Variants in SOX6 observed in about 807,000 individuals in gnomAD.
The protein encoded by SOX6 is transcription factor SOX-6.
In SOX6, 11 loss-of-function variants were observed where a neutral mutation model predicts 97.8. The observed-to-expected ratio is 0.11, with a 90% CI of 0.07 to 0.19. The LOEUF is 0.19. SOX6 is among the 10% of genes least tolerant of loss of function. The pLI, the probability that SOX6 is intolerant of heterozygous loss-of-function variation, is 1.00. For missense variants in SOX6, 810 were observed against 1,039.5 expected, an observed-to-expected ratio of 0.78 and a Z score of 3.04; for synonymous variants, 360 against 371.4, an observed-to-expected ratio of 0.97 and a Z score of 0.35.
At chr11:16,503,407 C>A (rs1450581064) in intron 4 of SOX6, among the ~76,000 whole-genome samples, 2 of 152,080 alleles carry the variant, frequency 1.3e-5, no homozygotes, top group African/African-American at 2.4e-5. Context: ...AAACAGAAAT[C>A]AATTCATAAA....
At chr11:16,236,768 G>A (rs1207866359) in intron 3 of SOX6, among the ~76,000 whole-genome samples, 1 of 151,838 alleles carries the variant, frequency 6.6e-6, no homozygotes, top group East Asian at 1.9e-4. Context: ...ATCTTTTAGA[G>A]CTCCAAGAAA....
intron 4 of SOX6, among the ~76,000 whole-genome samples, chr11:16,487,418 G>A (rs542563089): frequency 2.6e-5 from 4 of 152,246 alleles, no homozygotes; most frequent in African/African-American, 7.2e-5. Flanking sequence ...CTCCAGGAAT[G>A]ACCATTTGGA....
At chr11:16,185,458 A>G (rs374628257) in intron 5 of SOX6, among the ~76,000 whole-genome samples, 1 of 152,176 alleles carries the variant, frequency 6.6e-6, no homozygotes, top group African/African-American at 2.4e-5. Flanking sequence ...AATGCATCCA[A>G]AACACCACAG....
At chr11:16,250,600 T>C (rs4628642) in intron 3 of SOX6, among the ~76,000 whole-genome samples, 118,198 of 151,996 alleles carry the variant, frequency 0.78, 46,115 homozygotes, top group Non-Finnish European at 0.8. Context: ...ATAATTAATA[T>C]TCTAAGTCAA....
At chr11:16,414,156 C>G (rs1458749272) in intron 1 of SOX6, among the ~76,000 whole-genome samples, 1 of 152,162 alleles carries the variant, frequency 6.6e-6, no homozygotes, top group Non-Finnish European at 1.5e-5. Flanking sequence ...TCATAACTGG[C>G]AGTGGGAGAG....
intron 9 of SOX6, among the ~76,000 whole-genome samples, chr11:16,077,016 G>A (rs1431818280): frequency 6.6e-6 from 1 of 151,342 alleles, no homozygotes; most frequent in African/African-American, 2.4e-5. Context: ...GCCTCCCAAA[G>A]TGCTGGGATT....
chr11:16,661,752 G>A (rs886148666), intron 3 of SOX6, among the ~76,000 whole-genome samples: 2 of 151,910 alleles, frequency 1.3e-5, no homozygotes, highest in Admixed American at 6.6e-5. Flanking sequence ...GTCTTACTAT[G>A]TTGCTCAGAC....
rs965529767 is a variant in SOX6, at chr11:15,972,597, AAACAACAAC to A, written c.*203_*211del. 9 of 598,480 alleles carry A rather than the reference AAACAACAAC, an allele frequency of 1.5e-5. No homozygotes were observed. The highest frequency in any genetic ancestry group is 8.5e-5 in the East Asian group (3 of 35,378). 37.1% of individuals were successfully genotyped at this position (598,480 alleles called of 1,614,324 possible). A position where few individuals can be genotyped will look rare whatever the true frequency, so the allele number is the denominator to read the frequency against. ...TAATATGTCTTCACCTAAATTAAAA[AAACAACAAC>A]AACAACAATAACAATAACAACAAAA... On this transcript the variant is annotated 3_prime_UTR_variant, in exon 16 of 16. Transcript: ENST00000683767.
At chr11:16,701,955 A>C (rs1431853894) in intron 3 of SOX6, among the ~76,000 whole-genome samples, 1 of 152,190 alleles carries the variant, frequency 6.6e-6, no homozygotes, top group Non-Finnish European at 1.5e-5. Flanking sequence ...CATTTGGAGA[A>C]TGAAGATGAA....
intron 12 of SOX6, among the ~76,000 whole-genome samples, chr11:16,044,625 T>G (rs1362583025): frequency 6.6e-6 from 1 of 152,158 alleles, no homozygotes; most frequent in East Asian, 1.9e-4. Context: ...TCTTCTGACT[T>G]GAACTAATCT....
At chr11:16,466,178 T>C (rs1000095379) in intron 1 of SOX6, among the ~76,000 whole-genome samples, 2 of 152,200 alleles carry the variant, frequency 1.3e-5, no homozygotes, top group African/African-American at 4.8e-5. Context: ...ACAAAATGCT[T>C]TACCTTTATT....
At chr11:16,115,278 T>C (rs1849319075) in intron 6 of SOX6, among the ~76,000 whole-genome samples, 1 of 152,130 alleles carries the variant, frequency 6.6e-6, no homozygotes, top group African/African-American at 2.4e-5. Flanking sequence ...CTGGGAACCT[T>C]TTAAAAAAGC....
At chr11:16,305,988 CA>C (rs914260009) in intron 3 of SOX6, among the ~76,000 whole-genome samples, 1 of 152,058 alleles carries the variant, frequency 6.6e-6, no homozygotes, top group African/African-American at 2.4e-5. Context: ...AAGAGCAACA[CA>C]AGGAATTCTT....
At chr11:15,984,754 A>C (rs1340235828) in intron 15 of SOX6, among the ~76,000 whole-genome samples, 4 of 152,182 alleles carry the variant, frequency 2.6e-5, no homozygotes, top group Non-Finnish European at 5.9e-5. Context: ...CTACCTCTAA[A>C]AGGTTCTGCC....
intron 3 of SOX6, among the ~76,000 whole-genome samples, chr11:16,632,825 C>T (rs1848730107): frequency 1.3e-5 from 2 of 152,226 alleles, no homozygotes; most frequent in African/African-American, 4.8e-5. Flanking sequence ...ACCCCCTGCA[C>T]CAAGATTTCT....
In SOX6 at chr11:16,610,624, G is replaced by A. The variant is rs547753245; in HGVS notation, n.609+1457C>T. On this transcript the variant is annotated intron_variant and non_coding_transcript_variant, in intron 4 of 5. Coordinates refer to the SOX6 transcript ENST00000524520. This position sits in a 1 kb window ranked among gnomAD's most constrained non-coding sequence, Gnocchi z 4.4. ...GATAGCAAAGTATATTGATAAGGCGGAACCCGGAGCAAGTAACAATATTCA... is the reference window on the plus strand; with the variant it reads ...GATAGCAAAGTATATTGATAAGGCGAAACCCGGAGCAAGTAACAATATTCA... Among the ~76,000 whole-genome samples the A allele has an allele frequency of 3.9e-5, 6 of 152,278 alleles. No homozygotes were observed. In the South Asian group the frequency reaches 1.2e-3, roughly 32 times the overall value.
chr11:16,207,928 ATT>A (rs1412174099), intron 4 of SOX6, among the ~76,000 whole-genome samples: 1 of 152,150 alleles, frequency 6.6e-6, no homozygotes, highest in African/African-American at 2.4e-5. Flanking sequence ...ATACTTCTAT[ATT>A]GATATTGTAT....
At chr11:16,397,953 G>T (rs753716846) in intron 1 of SOX6, among the ~76,000 whole-genome samples, 1 of 151,486 alleles carries the variant, frequency 6.6e-6, no homozygotes, top group South Asian at 2.1e-4. Context: ...TTAGTAAAAA[G>T]GTCTGACTTT....
intron 3 of SOX6, among the ~76,000 whole-genome samples, chr11:16,615,431 G>T (rs1378082424): frequency 6.6e-6 from 1 of 152,148 alleles, no homozygotes; most frequent in Non-Finnish European, 1.5e-5. Flanking sequence ...CTAAGCCAGG[G>T]TAGGAATTAA....
Sources: allele counts gnomAD v4.1 joint callset (sites outside exome capture counted in the v4.1 genomes callset), GRCh38; gene constraint gnomAD v4.1.1; non-coding constraint Gnocchi (gnomAD v3.1); transcripts MANE v1.5; gene names NCBI Gene and HGNC (gene_info 2026-07-23, HGNC 2026-07-21).